ZBTB16: variants seen among roughly 807,000 people sequenced by gnomAD.
ZBTB16 encodes zinc finger and BTB domain containing 16.
In ZBTB16, 8 loss-of-function variants were observed where a neutral mutation model predicts 56.8. The observed-to-expected ratio is 0.14, with a 90% CI of 0.08 to 0.25. The LOEUF (loss-of-function observed/expected upper bound fraction) is 0.25. ZBTB16 is among the 10% of genes least tolerant of loss of function. The probability of loss-of-function intolerance (pLI) is 1.00; values close to 1 mark genes in which losing one functional copy is unlikely to be tolerated. For missense variants in ZBTB16, 625 were observed against 903.0 expected (o/e 0.69, Z 3.95); for synonymous variants, 363 against 368.5 (o/e 0.98, Z 0.17).
At chr11:114,149,255 G>A (rs947445479) in intron 2 of ZBTB16, among the ~76,000 whole-genome samples, 1 of 152,140 alleles carries the variant, frequency 6.6e-6, no homozygotes, top group East Asian at 1.9e-4. Context: ...TGCAGAGCCA[G>A]GTCCCCTGCA....
intron 1 of ZBTB16, among the ~76,000 whole-genome samples, chr11:114,062,322 C>T (rs1259672400): frequency 6.6e-6 from 1 of 151,998 alleles, no homozygotes; most frequent in African/African-American, 2.4e-5. Flanking sequence ...AGGCTGGTCT[C>T]GAACTCCCGA....
At chr11:114,218,299 G>T (rs779545723) in intron 4 of ZBTB16, among the ~76,000 whole-genome samples, 3 of 152,148 alleles carry the variant, frequency 2.0e-5, no homozygotes, top group Non-Finnish European at 4.4e-5. Flanking sequence ...ATCATGCTTG[G>T]TTCTGTCGCA....
At chr11:114,113,767 A>G (rs238913) in intron 2 of ZBTB16, among the ~76,000 whole-genome samples, 68,977 of 152,056 alleles carry the variant, frequency 0.45, 16,263 homozygotes, top group African/African-American at 0.57. Context: ...AAATGAAGCT[A>G]GTGGAGGCTT....
At chr11:114,088,726 G>C (rs1940060643) in intron 2 of ZBTB16, among the ~76,000 whole-genome samples, 1 of 152,238 alleles carries the variant, frequency 6.6e-6, no homozygotes, top group East Asian at 1.9e-4. Flanking sequence ...GGTGGGGAAG[G>C]GCCCCAGAAG....
intron 5 of ZBTB16, among the ~76,000 whole-genome samples, chr11:114,244,178 C>T (rs1042466411): frequency 1.3e-5 from 2 of 152,090 alleles, no homozygotes; most frequent in African/African-American, 4.8e-5. Flanking sequence ...TAGGTTAGTC[C>T]AGCCGTGCTC....
At chr11:114,245,484 C>T (rs562751841) in intron 5 of ZBTB16, among the ~76,000 whole-genome samples, 2 of 152,134 alleles carry the variant, frequency 1.3e-5, no homozygotes, top group African/African-American at 4.8e-5. Flanking sequence ...CCCCTCAGAG[C>T]CCTAAAAACC....
At chr11:114,072,468 G>C (rs1257206756) in intron 2 of ZBTB16, among the ~76,000 whole-genome samples, 1 of 152,236 alleles carries the variant, frequency 6.6e-6, no homozygotes, top group Non-Finnish European at 1.5e-5. Flanking sequence ...GCTTATGAGA[G>C]AGATGAAGAG....
chr11:114,156,526 G>A, intron 3 of ZBTB16, 92 bp downstream of exon 3: 2 of 1,205,804 alleles, frequency 1.7e-6, no homozygotes, highest in Non-Finnish European at 2.4e-6. Flanking sequence ...TGGCCTGCAT[G>A]TCCCCACTGC....
chr11:114,078,947 G>A (rs181564509), intron 2 of ZBTB16, among the ~76,000 whole-genome samples: 1 of 151,894 alleles, frequency 6.6e-6, no homozygotes, highest in Admixed American at 6.6e-5. Flanking sequence ...AGCTAGTCGG[G>A]GGAGGCTGAG....
At chr11:114,088,709 C>G (rs1046286204) in intron 2 of ZBTB16, among the ~76,000 whole-genome samples, 2 of 152,226 alleles carry the variant, frequency 1.3e-5, no homozygotes, top group Non-Finnish European at 2.9e-5. Context: ...ACTACCCAGG[C>G]AGTACTGGTG....
At chr11:114,113,834 A>T (rs926994372) in intron 2 of ZBTB16, among the ~76,000 whole-genome samples, 1 of 152,254 alleles carries the variant, frequency 6.6e-6, no homozygotes, top group African/African-American at 2.4e-5. Flanking sequence ...TCATCTAATC[A>T]TCCAGTTAGT....
chr11:114,110,534 G>A (rs1254524626), intron 2 of ZBTB16, among the ~76,000 whole-genome samples: 1 of 152,190 alleles, frequency 6.6e-6, no homozygotes, highest in African/African-American at 2.4e-5. Context: ...AAGAAGGAGG[G>A]CCAGTGAGAC....
chr11:114,089,056 A>AC (rs1266113823), intron 2 of ZBTB16, among the ~76,000 whole-genome samples: 1 of 151,774 alleles, frequency 6.6e-6, no homozygotes, highest in Admixed American at 6.6e-5. Context: ...CTCCCTCCTC[A>AC]CCCCCACCCA....
chr11:114,153,874 T>C (rs573546027), intron 2 of ZBTB16, among the ~76,000 whole-genome samples: 3 of 152,348 alleles, frequency 2.0e-5, no homozygotes, highest in South Asian at 2.1e-4. Context: ...GAGATTGTGA[T>C]AGCATGACTT....
chr11:114,241,518 G>A (rs748355443), intron 4 of ZBTB16, among the ~76,000 whole-genome samples: 1 of 152,190 alleles, frequency 6.6e-6, no homozygotes, highest in Non-Finnish European at 1.5e-5. Context: ...CCTTATGAGA[G>A]TCTAATGATA....
intron 3 of ZBTB16, among the ~76,000 whole-genome samples, chr11:114,159,941 G>GGGGC (rs1555145945): frequency 1.4e-5 from 2 of 145,944 alleles, no homozygotes; most frequent in African/African-American, 5.0e-5. Flanking sequence ...GGGAGGCGGG[G>GGGGC]GGGAGGCGAG....
At chr11:114,136,353 C>T (rs1459267356) in intron 2 of ZBTB16, among the ~76,000 whole-genome samples, 1 of 152,126 alleles carries the variant, frequency 6.6e-6, no homozygotes, top group Admixed American at 6.5e-5. Context: ...CAGAGTCTGG[C>T]TTCAGTCTCT....
Position 114,124,552 on chromosome 11 carries a change from A to C in ZBTB16, c.1269-31785A>C, listed in dbSNP as rs1293388802. On this transcript the variant is annotated intron_variant, in intron 2 of 6. Coordinates refer to ENST00000335953, the MANE Select transcript of ZBTB16 (RefSeq NM_006006.6). ...AAGAGGCAAAAACAAAACAAAAAAA[A>C]AAACCAAAAAAAAAAAAAAACAAAA... Among the ~76,000 whole-genome samples the C allele has an allele frequency of 3.3e-3, 459 of 138,148 alleles. 6 individuals carry two copies. Among genetic ancestry groups the C allele is most frequent in the East Asian group, 0.033 (161 of 4,864 alleles). The allele number at this position is 138,148 out of a possible 152,430, so 90.6% of individuals were successfully genotyped here. A position where few individuals can be genotyped will look rare whatever the true frequency, so the allele number is the denominator to read the frequency against.
chr11:114,226,422 C>T (rs1322709998), intron 4 of ZBTB16, among the ~76,000 whole-genome samples: 1 of 152,176 alleles, frequency 6.6e-6, no homozygotes, highest in African/African-American at 2.4e-5. Flanking sequence ...AGAGTCAGCC[C>T]TAAGGCCTCC....
Sources: gnomAD v4.1 joint callset for allele counts (sites outside exome capture counted in the v4.1 genomes callset) on GRCh38, gnomAD v4.1.1 for gene constraint, MANE v1.5 for transcripts, NCBI Gene and HGNC (gene_info 2026-07-23, HGNC 2026-07-21) for gene names.